The following HEMK2 variants were observed in gnomAD, a reference collection of about 807,000 sequenced individuals.
The protein encoded by HEMK2 is methyltransferase HEMK2.
the HEMK2 span, among the ~76,000 whole-genome samples, chr21:28,775,343 CTTG>C: frequency 6.6e-6 from 1 of 152,142 alleles, no homozygotes; most frequent in African/African-American, 2.4e-5. Context: ...AGAGTTTGAA[CTTG>C]TTGAGACTGA....
chr21:28,747,577 C>T, the HEMK2 span, among the ~76,000 whole-genome samples: 1 of 152,322 alleles, frequency 6.6e-6, no homozygotes, highest in East Asian at 1.9e-4. Context: ...TCCAATACTC[C>T]TACCCCACTA....
At chr21:28,831,524 A>AAAGAAAGG in the HEMK2 span, among the ~76,000 whole-genome samples, 2 of 54,544 alleles carry the variant, frequency 3.7e-5, no homozygotes, top group Non-Finnish European at 6.5e-5. Flanking sequence ...AGAAAGAAAG[A>AAAGAAAGG]AGGAAAGAAG....
At chr21:28,710,793 G>A in the HEMK2 span, among the ~76,000 whole-genome samples, 12 of 152,168 alleles carry the variant, frequency 7.9e-5, no homozygotes, top group African/African-American at 2.9e-4. Flanking sequence ...TATGCTTCAT[G>A]TATAGTATTT....
the HEMK2 span, among the ~76,000 whole-genome samples, chr21:28,815,980 G>A: frequency 9.2e-5 from 14 of 152,182 alleles, no homozygotes; most frequent in African/African-American, 2.7e-4. Context: ...GAGGCTGTTA[G>A]TGTGGGCTGT....
the HEMK2 span, among the ~76,000 whole-genome samples, chr21:28,765,662 T>A: frequency 6.6e-6 from 1 of 151,910 alleles, no homozygotes; most frequent in East Asian, 1.9e-4. Context: ...GGGTGAGTGA[T>A]AAGAGAGACC....
At chr21:28,711,694 T>G in the HEMK2 span, among the ~76,000 whole-genome samples, 1 of 152,104 alleles carries the variant, frequency 6.6e-6, no homozygotes, top group South Asian at 2.1e-4. Context: ...CAGAAAAGCT[T>G]CAGAGGCAGT....
chr21:28,741,147 A>C, the HEMK2 span, among the ~76,000 whole-genome samples: 1 of 152,190 alleles, frequency 6.6e-6, no homozygotes, highest in Non-Finnish European at 1.5e-5. Context: ...AAATCAAATC[A>C]GATGGGTCCC....
the HEMK2 span, among the ~76,000 whole-genome samples, chr21:28,701,978 A>G: frequency 5.9e-5 from 9 of 152,278 alleles, no homozygotes; most frequent in South Asian, 1.9e-3. Flanking sequence ...CACTACAAAA[A>G]CATATACACA....
chr21:28,689,731 C>T, the HEMK2 span, among the ~76,000 whole-genome samples: 1 of 152,104 alleles, frequency 6.6e-6, no homozygotes, highest in Admixed American at 6.6e-5. Flanking sequence ...AAATAGGGAG[C>T]TTATCCTGTA....
chr21:28,684,819 C>T, the HEMK2 span, among the ~76,000 whole-genome samples: 4 of 152,148 alleles, frequency 2.6e-5, no homozygotes, highest in Non-Finnish European at 5.9e-5. Flanking sequence ...GACCAAGTAC[C>T]TGTGAGATCA....
At chr21:28,706,968 A>C in the HEMK2 span, among the ~76,000 whole-genome samples, 6 of 152,188 alleles carry the variant, frequency 3.9e-5, no homozygotes, top group African/African-American at 1.4e-4. Context: ...GTAAATACTT[A>C]ATGTACACAA....
At chr21:28,714,735 G>A in the HEMK2 span, among the ~76,000 whole-genome samples, 23 of 152,148 alleles carry the variant, frequency 1.5e-4, no homozygotes, top group Non-Finnish European at 1.0e-4. Flanking sequence ...GGATACAAAT[G>A]ATCTCGTCAC....
chr21:28,663,669 T>A, the HEMK2 span, among the ~76,000 whole-genome samples: 4 of 152,362 alleles, frequency 2.6e-5, no homozygotes, highest in South Asian at 8.3e-4. Context: ...CTGTTTCTGT[T>A]GTTTCTCTCT....
chr21:28,636,199 AC>A, the HEMK2 span, among the ~76,000 whole-genome samples: 1 of 152,136 alleles, frequency 6.6e-6, no homozygotes, highest in Non-Finnish European at 1.5e-5. Context: ...AAAATACCCC[AC>A]TAATAATGGT....
the HEMK2 span, among the ~76,000 whole-genome samples, chr21:28,764,182 G>T: frequency 6.6e-6 from 1 of 151,984 alleles, no homozygotes; most frequent in South Asian, 2.1e-4. Context: ...TCTGTTACTG[G>T]GTACTTAGCC....
the HEMK2 span, among the ~76,000 whole-genome samples, chr21:28,831,459 G>GAAAGAAAAGA: frequency 3.9e-4 from 12 of 31,040 alleles, 1 homozygote; most frequent in African/African-American, 2.3e-3. Context: ...AGAAAGAAAA[G>GAAAGAAAAGA]AACGAAAGAA....
At chr21:28,613,117 T>C in the HEMK2 span, among the ~76,000 whole-genome samples, 1 of 150,968 alleles carries the variant, frequency 6.6e-6, no homozygotes, top group Non-Finnish European at 1.5e-5. Context: ...GATAGATAGA[T>C]AGACAGATCT....
chr21:28,720,094 T>C, the HEMK2 span, among the ~76,000 whole-genome samples: 49,452 of 152,164 alleles, frequency 0.32, 9,048 homozygotes, highest in East Asian at 0.54. Context: ...TGCTGAAGTG[T>C]TGTCTAGTAT....
the HEMK2 span, among the ~76,000 whole-genome samples, chr21:28,618,515 T>C: frequency 6.6e-6 from 1 of 152,250 alleles, no homozygotes; most frequent in Non-Finnish European, 1.5e-5. Flanking sequence ...TATTTTGAAT[T>C]GATTATTAAA....
Sources: gnomAD v4.1 joint callset for allele counts (sites outside exome capture counted in the v4.1 genomes callset) on GRCh38, gnomAD v4.1.1 for gene constraint, MANE v1.5 for transcripts, NCBI Gene and HGNC (gene_info 2026-07-23, HGNC 2026-07-21) for gene names.